BABAM2: variants seen among roughly 807,000 people sequenced by gnomAD.
The protein encoded by BABAM2 is BRISC and BRCA1-A complex member 2.
Under a neutral mutation model 54.7 loss-of-function variants are expected in BABAM2, and 31 were observed. The ratio of observed to expected loss-of-function variants is 0.57; its 90% confidence interval spans 0.43 to 0.77. The LOEUF (loss-of-function observed/expected upper bound fraction) is 0.77. BABAM2 is among the 30% of genes least tolerant of loss of function. BABAM2 has a pLI of 0.00. For synonymous variants in BABAM2, 167 were observed against 162.9 expected (o/e 1.03, Z -0.19); for missense variants, 364 against 455.8 (o/e 0.80, Z 1.83).
chr2:28,125,132 A>G (rs1389089580), intron 6 of BABAM2, among the ~76,000 whole-genome samples: 1 of 152,182 alleles, frequency 6.6e-6, no homozygotes, highest in Non-Finnish European at 1.5e-5. Flanking sequence ...AGCCTCATTC[A>G]TTGAATCTAA....
intron 7 of BABAM2, among the ~76,000 whole-genome samples, chr2:28,216,577 T>C (rs953259288): frequency 6.6e-6 from 1 of 152,222 alleles, no homozygotes. Context: ...TGATGGAGCA[T>C]GTGTACGTGT....
intron 6 of BABAM2, among the ~76,000 whole-genome samples, chr2:28,105,175 A>T (rs1667408403): frequency 6.6e-6 from 1 of 152,200 alleles, no homozygotes; most frequent in African/African-American, 2.4e-5. Context: ...GTACCCTAGA[A>T]CTTAAAGTAT....
chr2:27,938,247 T>C (rs954442528), intron 3 of BABAM2, among the ~76,000 whole-genome samples: 1 of 152,228 alleles, frequency 6.6e-6, no homozygotes, highest in Non-Finnish European at 1.5e-5. Flanking sequence ...ACAATCAACA[T>C]AATATTCGTC....
chr2:28,076,473 T>G (rs140432522), intron 6 of BABAM2, among the ~76,000 whole-genome samples: 12 of 146,270 alleles, frequency 8.2e-5, no homozygotes, highest in Non-Finnish European at 1.6e-4. Flanking sequence ...TATTTATTTA[T>G]TTATTTATTT....
chr2:28,176,916 T>A (rs569013224), intron 7 of BABAM2, among the ~76,000 whole-genome samples: 1 of 149,498 alleles, frequency 6.7e-6, no homozygotes, highest in Admixed American at 6.6e-5. Flanking sequence ...TGGGACACCA[T>A]AAAGTGACTA....
At chr2:28,175,106 C>CA (rs879571600) in intron 7 of BABAM2, among the ~76,000 whole-genome samples, 7 of 152,172 alleles carry the variant, frequency 4.6e-5, no homozygotes, top group Admixed American at 2.0e-4. Context: ...ATTGCATGTA[C>CA]CCTGAGGACT....
intron 10 of BABAM2, among the ~76,000 whole-genome samples, chr2:28,259,062 A>G (rs1423281399): frequency 9.8e-6 from 1 of 102,442 alleles, no homozygotes; most frequent in Non-Finnish European, 1.8e-5. Flanking sequence ...GGCTTCAGCC[A>G]CTGCACCTGG....
intron 2 of BABAM2, among the ~76,000 whole-genome samples, chr2:27,928,173 G>T (rs556498236): frequency 1.6e-3 from 239 of 152,200 alleles, no homozygotes; most frequent in Middle Eastern, 6.8e-3. Flanking sequence ...GTGCCACCAT[G>T]CCCAGCTAAT....
At chr2:28,290,597 A>G (rs1687207291) in intron 10 of BABAM2, among the ~76,000 whole-genome samples, 1 of 152,232 alleles carries the variant, frequency 6.6e-6, no homozygotes, top group African/African-American at 2.4e-5. Context: ...ACTAAGTGCT[A>G]GAAATACTAA....
At chr2:27,936,546 C>T (rs1176306064) in intron 3 of BABAM2, among the ~76,000 whole-genome samples, 1 of 152,140 alleles carries the variant, frequency 6.6e-6, no homozygotes, top group East Asian at 1.9e-4. Flanking sequence ...TTGGAACCAA[C>T]CCAAATGTCC....
At chr2:28,310,722 A>G (rs1255509023) in intron 11 of BABAM2, among the ~76,000 whole-genome samples, 1 of 151,736 alleles carries the variant, frequency 6.6e-6, no homozygotes, top group African/African-American at 2.4e-5. Flanking sequence ...TGTCTCTACT[A>G]AAAATACAAA....
intron 3 of BABAM2, among the ~76,000 whole-genome samples, chr2:27,974,403 A>G (rs1054435593): frequency 6.6e-6 from 1 of 152,176 alleles, no homozygotes; most frequent in Non-Finnish European, 1.5e-5. Context: ...AAAATAATAT[A>G]TCATAATCAA....
intron 6 of BABAM2, among the ~76,000 whole-genome samples, chr2:28,065,450 T>C (rs764873985): frequency 6.6e-6 from 1 of 152,174 alleles, no homozygotes; most frequent in African/African-American, 2.4e-5. Flanking sequence ...GTTGTGGTTC[T>C]CCTTAATATC....
chr2:28,061,663 C>CAT lies in BABAM2; in HGVS notation c.570+15877_570+15878dup, dbSNP rs920213972. ...AAAGACATATATATATATTTGTTGA[C>CAT]ATATATATATATATTTCCATGTAAA... On this transcript the variant is annotated intron_variant, in intron 6 of 11. Transcript: ENST00000379624. 4.2e-4 allele frequency among the ~76,000 whole-genome samples: 62 copies of CAT among 148,518 alleles called. No individual in the cohort carries two copies. The South Asian group carries it at 6.6e-3, about 16-fold the overall frequency.
intron 4 of BABAM2, among the ~76,000 whole-genome samples, chr2:28,001,389 T>C (rs1374294595): frequency 1.3e-5 from 2 of 152,218 alleles, no homozygotes; most frequent in Non-Finnish European, 2.9e-5. Flanking sequence ...AAATGAATGA[T>C]TCATTGATGC....
chr2:27,894,296 G>T (rs1665109735), intron 1 of BABAM2, among the ~76,000 whole-genome samples: 1 of 152,144 alleles, frequency 6.6e-6, no homozygotes, highest in Non-Finnish European at 1.5e-5. Flanking sequence ...AAAGGGAATT[G>T]TATTTCAGGA....
At chr2:28,069,911 GT>G (rs1663967140) in intron 6 of BABAM2, among the ~76,000 whole-genome samples, 1 of 152,174 alleles carries the variant, frequency 6.6e-6, no homozygotes, top group East Asian at 1.9e-4. Context: ...GTCTCGCTCT[GT>G]TGCGCAGGCT....
Position 28,275,347 on chromosome 2 carries a change from G to A in BABAM2, c.935-22991G>A, listed in dbSNP as rs148064118. 3.8e-3 allele frequency among the ~76,000 whole-genome samples: 576 copies of A among 152,342 alleles called. 5 individuals are homozygous for A. Among genetic ancestry groups the A allele is most frequent in the Non-Finnish European group, 6.3e-3 (428 of 68,034 alleles). On this transcript the variant is annotated intron_variant, in intron 10 of 11. Transcript: ENST00000379624. ...CCACTTTGACTGAGGCTAGAGTGTG[G>A]ATTAACAGTGCTTTGATATTTCAGT...
chr2:28,204,950 TA>T (rs1283643118), intron 7 of BABAM2, among the ~76,000 whole-genome samples: 1 of 151,522 alleles, frequency 6.6e-6, no homozygotes. Flanking sequence ...TCACTTTCAG[TA>T]AAAAAGTTTT....
Sources: allele counts gnomAD v4.1 joint callset (sites outside exome capture counted in the v4.1 genomes callset), GRCh38; gene constraint gnomAD v4.1.1; transcripts MANE v1.5; gene names NCBI Gene and HGNC (gene_info 2026-07-23, HGNC 2026-07-21).